The following TXNDC8 variants were observed in gnomAD, a reference collection of about 807,000 sequenced individuals.
TXNDC8 encodes the protein thioredoxin domain containing 8, also known as thioredoxin domain-containing protein 8.
Under a neutral mutation model 12.9 loss-of-function variants are expected in TXNDC8, and 15 were observed. That is an observed-to-expected ratio of 1.16 (90% CI 0.78 to 1.79). The LOEUF (loss-of-function observed/expected upper bound fraction) is 1.79, where lower values mean the gene tolerates loss of function less well. Among genes scored for constraint, TXNDC8 ranks in the 40% most tolerant of loss-of-function variants. The pLI is 0.00. For synonymous variants in TXNDC8, 40 were observed against 35.4 expected (o/e 1.13, Z -0.46); for missense variants, 128 against 113.2 (o/e 1.13, Z -0.59).
At chr9:110,323,569 T>G (rs1298356376) in intron 3 of TXNDC8, 1 of 222,298 alleles carries the variant, frequency 4.5e-6, no homozygotes, top group African/African-American at 2.3e-5. Context: ...CTTTTAACAA[T>G]TACACCATGA....
Position 110,304,528 on chromosome 9 carries a change from G to T in TXNDC8, c.200C>A (p.Thr67Asn), listed in dbSNP as rs551243178. ...TATTCTTTTGATTCTTGAGAATAGG[G>T]TTACCTAAGTGTGGGTGCAGAATTT... Residue 67 changes from threonine to asparagine, a missense_variant, in exon 4 of 5, where the codon ACC becomes AAC. Physicochemically the swap from Thr to Asn is moderately conservative, Grantham distance 65. Coordinates refer to ENST00000423740, the MANE Select transcript of TXNDC8 (RefSeq NM_001286946.2). 3.7e-6 allele frequency: 6 copies of T among 1,607,246 alleles called. No homozygotes were observed. In the African/African-American group the frequency reaches 5.3e-5, roughly 14 times the overall value.
chr9:110,316,858 G>A (rs1430800447), intron 3 of TXNDC8, among the ~76,000 whole-genome samples: 1 of 152,172 alleles, frequency 6.6e-6, no homozygotes, highest in Non-Finnish European at 1.5e-5. Flanking sequence ...CAGGCCATTT[G>A]GTCTCTGTTG....
In TXNDC8 at chr9:110,317,715, C is replaced by A. The variant is rs146546925; in HGVS notation, c.195+8460G>T. On this transcript the variant is annotated intron_variant, in intron 3 of 4. Coordinates refer to ENST00000423740, the MANE Select transcript of TXNDC8 (RefSeq NM_001286946.2). ...AGTCTGTTGACATAGATCCCAGCCA[C>A]ATTGTTCAATGAGCACAGTGTAGCA... Among the ~76,000 whole-genome samples, 316 of 152,360 alleles carry A rather than the reference C, an allele frequency of 2.1e-3. 8 individuals carry two copies. The highest frequency in any genetic ancestry group is 0.019 in the Admixed American group (287 of 15,308).
chr9:110,333,014 G>A (rs951965867), intron 2 of TXNDC8, among the ~76,000 whole-genome samples: 2 of 152,210 alleles, frequency 1.3e-5, no homozygotes, highest in Non-Finnish European at 2.9e-5. Flanking sequence ...CAATTTTTAT[G>A]AAGTATGTAA....
intron 3 of TXNDC8, among the ~76,000 whole-genome samples, chr9:110,315,405 A>AT (rs963258391): frequency 6.6e-6 from 1 of 151,706 alleles, no homozygotes; most frequent in Admixed American, 6.6e-5. Flanking sequence ...GCCCGGGGCA[A>AT]TTTTTTTTAA....
chr9:110,308,861 C>T (rs1255750987), intron 3 of TXNDC8, among the ~76,000 whole-genome samples: 1 of 152,188 alleles, frequency 6.6e-6, no homozygotes, highest in Admixed American at 6.5e-5. Context: ...GAGTCATGGG[C>T]AGATTCTTCT....
chr9:110,316,759 G>A (rs1477842858), intron 3 of TXNDC8, among the ~76,000 whole-genome samples: 1 of 152,168 alleles, frequency 6.6e-6, no homozygotes, highest in Non-Finnish European at 1.5e-5. Flanking sequence ...AGCGTTGGTG[G>A]CATAAATAAT....
At chr9:110,308,456 G>A (rs945913952) in intron 3 of TXNDC8, among the ~76,000 whole-genome samples, 1 of 138,928 alleles carries the variant, frequency 7.2e-6, no homozygotes, top group Non-Finnish European at 1.5e-5. Context: ...CATGCTCAGA[G>A]ATCACATTGT....
At chr9:110,322,298 T>A (rs1169535830) in intron 3 of TXNDC8, among the ~76,000 whole-genome samples, 2 of 152,194 alleles carry the variant, frequency 1.3e-5, no homozygotes, top group Non-Finnish European at 2.9e-5. Flanking sequence ...ATCAGAGGCT[T>A]GTTGGGTGAC....
At chr9:110,317,696 T>C (rs1313272063) in intron 3 of TXNDC8, among the ~76,000 whole-genome samples, 1 of 152,244 alleles carries the variant, frequency 6.6e-6, no homozygotes, top group Admixed American at 6.5e-5. Flanking sequence ...AGGAAGTCTG[T>C]TGACATAGAT....
chr9:110,326,182 C>A lies in TXNDC8; in HGVS notation c.188G>T (p.Ser63Ile), dbSNP rs764876817. The A allele has an allele frequency of 6.2e-7, 1 of 1,614,030 alleles. No individual in the cohort carries two copies. The highest frequency in any genetic ancestry group is 8.5e-7 in the Non-Finnish European group (1 of 1,179,934). Reference sequence around the variant, plus strand: ...GTTACCCTGGAAACATACCTTCTGGCTTTTCTTGAACATCTGAAATGTGGG... The same window carrying A: ...GTTACCCTGGAAACATACCTTCTGGATTTTCTTGAACATCTGAAATGTGGG... Residue 63 changes from serine to isoleucine, a missense_variant, in exon 3 of 5, where the codon AGC (serine) becomes ATC (isoleucine). By Grantham distance (142) the Ser-to-Ile change is moderately radical. Transcript: ENST00000423740.
chr9:110,316,064 ATT>A (rs934166822), intron 3 of TXNDC8, among the ~76,000 whole-genome samples: 1 of 143,118 alleles, frequency 7.0e-6, no homozygotes. Context: ...CACTCGGCTA[ATT>A]TTTTTTTTTT....
chr9:110,335,206 G>A (rs993196849), intron 1 of TXNDC8, among the ~76,000 whole-genome samples: 2 of 152,156 alleles, frequency 1.3e-5, no homozygotes, highest in African/African-American at 2.4e-5. Context: ...TAGAGTAAGT[G>A]CTCATAGAGT....
Position 110,326,219 on chromosome 9 carries a change from T to C in TXNDC8, c.151A>G (p.Ile51Val). ...ATCTGAAATGTGGGTATTGTTTTGA[T>C]GTGACAAGTTTCAGCCAGCTCCTGG... The change falls in exon 3 of 5, where the codon ATC becomes GTC. Residue 51 changes from isoleucine to valine, a missense_variant. Ile to Val is a conservative substitution (Grantham distance 29, BLOSUM62 3). Transcript: ENST00000423740. 2 of 1,614,078 alleles carry C rather than the reference T, an allele frequency of 1.2e-6. No homozygotes were observed. The highest frequency in any genetic ancestry group is 1.7e-6 in the Non-Finnish European group (2 of 1,179,962).
At chr9:110,307,041 A>G (rs1052713409) in intron 3 of TXNDC8, among the ~76,000 whole-genome samples, 1 of 151,832 alleles carries the variant, frequency 6.6e-6, no homozygotes, top group African/African-American at 2.4e-5. Flanking sequence ...CCCAGGGCTC[A>G]AGTGATCCTC....
intron 3 of TXNDC8, among the ~76,000 whole-genome samples, chr9:110,308,465 G>GT (rs34752105): frequency 0.023 from 3,325 of 147,490 alleles, 47 homozygotes; most frequent in Non-Finnish European, 0.031. Flanking sequence ...AGATCACATT[G>GT]TTTTTTTTTT....
At chr9:110,337,643 T>C (rs1564111993) in intron 1 of TXNDC8, 130 bp downstream of exon 1, 1 of 845,182 alleles carries the variant, frequency 1.2e-6, no homozygotes, top group East Asian at 2.8e-5. Context: ...GAACAAGAAT[T>C]TAGAACTCTC....
intron 2 of TXNDC8, among the ~76,000 whole-genome samples, chr9:110,327,491 T>G (rs1839377298): frequency 6.6e-6 from 1 of 151,962 alleles, no homozygotes; most frequent in Non-Finnish European, 1.5e-5. Flanking sequence ...CCTGGCCAAT[T>G]TTTGTATTTT....
In TXNDC8 at chr9:110,322,004, G is replaced by A. The variant is rs75197547; in HGVS notation, c.195+4171C>T. Among the ~76,000 whole-genome samples, 702 of 152,204 alleles carry A rather than the reference G, an allele frequency of 4.6e-3. 10 individuals carry two copies. The highest frequency in any genetic ancestry group is 0.016 in the African/African-American group (676 of 41,538). ...TCTTTAGGATCTCCTCCTCCTTTTTGTATCTTTTGCATAGAAAATTGATAT... is the reference window on the plus strand; with the variant it reads ...TCTTTAGGATCTCCTCCTCCTTTTTATATCTTTTGCATAGAAAATTGATAT... On this transcript the variant is annotated intron_variant, in intron 3 of 4. Coordinates refer to ENST00000423740, the MANE Select transcript of TXNDC8 (RefSeq NM_001286946.2).
Sources: allele counts gnomAD v4.1 joint callset (sites outside exome capture counted in the v4.1 genomes callset), GRCh38; gene constraint gnomAD v4.1.1; transcripts MANE v1.5; gene names NCBI Gene and HGNC (gene_info 2026-07-23, HGNC 2026-07-21).